The following NCKAP5 variants were observed in gnomAD, a reference collection of about 807,000 sequenced individuals.
NCKAP5 encodes NCK associated protein 5.
NCKAP5 carries 92 observed loss-of-function variants against 167.0 expected under a neutral mutation model. That is an observed-to-expected ratio of 0.55 (90% CI 0.47 to 0.66). The LOEUF is 0.66. Ranked by LOEUF, NCKAP5 falls within the 30% of genes least tolerant of loss-of-function variation. The probability of loss-of-function intolerance (pLI) is 0.00; values close to 1 mark genes in which losing one functional copy is unlikely to be tolerated. For missense variants in NCKAP5, 2,378 were observed against 2,315.0 expected (o/e 1.03, Z -0.56); for synonymous variants, 891 against 877.4 (o/e 1.02, Z -0.27).
intron 8 of NCKAP5, among the ~76,000 whole-genome samples, chr2:132,895,996 G>C (rs191822237): frequency 1.4e-4 from 21 of 152,170 alleles, no homozygotes; most frequent in African/African-American, 5.1e-4. Flanking sequence ...TTAGCTGGGC[G>C]TGGTGGGAAG....
chr2:133,293,934 A>G (rs1190227522), intron 4 of NCKAP5, among the ~76,000 whole-genome samples: 1 of 152,146 alleles, frequency 6.6e-6, no homozygotes, highest in Non-Finnish European at 1.5e-5. Context: ...CCAAGGGTTG[A>G]GAACAGGGAA....
chr2:133,294,291 G>A (rs1529570), intron 4 of NCKAP5, among the ~76,000 whole-genome samples: 18,325 of 152,092 alleles, frequency 0.12, 1,443 homozygotes, highest in Middle Eastern at 0.18. Context: ...TTTAATACTC[G>A]GCGTCCCCTT....
chr2:132,886,272 T>G lies in NCKAP5; in HGVS notation c.580-7356A>C, dbSNP rs534683196. Reference sequence around the variant, plus strand: ...AGGTTAACTATTTTACCACATTTGCTTATCATTTAATACTATCTATACCTG... The same window carrying G: ...AGGTTAACTATTTTACCACATTTGCGTATCATTTAATACTATCTATACCTG... On this transcript the variant is annotated intron_variant, in intron 8 of 19. Coordinates refer to ENST00000409261, the MANE Select transcript of NCKAP5 (RefSeq NM_207363.3). Among the ~76,000 whole-genome samples, 91 of 152,372 alleles carry G rather than the reference T, an allele frequency of 6.0e-4. 2 individuals are homozygous for G. The highest frequency in any genetic ancestry group is 1.0e-3 in the Non-Finnish European group (69 of 68,032).
intron 5 of NCKAP5, among the ~76,000 whole-genome samples, chr2:133,160,434 TTTTTC>T (rs759836361): frequency 0.12 from 13,201 of 106,270 alleles, 639 homozygotes; most frequent in East Asian, 0.3. Context: ...TTTTCCTTTC[TTTTTC>T]TTTTTTTTTT....
chr2:133,641,716 G>A, the NCKAP5 span, among the ~76,000 whole-genome samples: 1 of 152,190 alleles, frequency 6.6e-6, no homozygotes, highest in African/African-American at 2.4e-5. Flanking sequence ...TTCAACTTAA[G>A]GGAACCCCTG....
rs1374624224 is a variant in NCKAP5 at position 133,181,544 on chromosome 2, G to C, written c.207+32172C>G. On this transcript the variant is annotated intron_variant, in intron 5 of 19. Coordinates refer to ENST00000409261, the MANE Select transcript of NCKAP5 (RefSeq NM_207363.3). ...TTCTCTGGGAGGCTGAGCTGGGCAG[G>C]TCGTTTGAGCCCAGGGGTTCAGGGC... Among the ~76,000 whole-genome samples, 3 of 144,854 alleles carry C rather than the reference G, an allele frequency of 2.1e-5. No homozygotes were observed. The Admixed American group carries it at 2.2e-4, about 11-fold the overall frequency.
chr2:133,384,549 G>A (rs997404886), intron 3 of NCKAP5, among the ~76,000 whole-genome samples: 1 of 152,130 alleles, frequency 6.6e-6, no homozygotes, highest in Non-Finnish European at 1.5e-5. Context: ...GCTCTTTTTT[G>A]GTTCCATGTG....
In NCKAP5 at chr2:132,782,407, G is replaced by C. The variant is rs747565089; in HGVS notation, c.4404C>G (p.Leu1468=). Residue 1468 remains leucine, a synonymous_variant, in exon 14 of 20, where the codon CTC becomes CTG. Transcript: ENST00000409261. ...TGACCTTTTCTTCGATTGTGGGTGA[G>C]AGGGGGGCTTCTGAACTCACAGCAT... ...ATDAVSSEAP[L]SPTIEEKVML... is the part of the protein sequence containing the mutation. 9 of 1,614,060 alleles carry C rather than the reference G, an allele frequency of 5.6e-6. No individual in the cohort carries two copies. Among genetic ancestry groups the C allele is most frequent in the Non-Finnish European group, 6.8e-6 (8 of 1,179,912 alleles).
intron 4 of NCKAP5, among the ~76,000 whole-genome samples, chr2:133,252,535 A>G (rs1252837919): frequency 1.3e-5 from 2 of 152,214 alleles, no homozygotes; most frequent in African/African-American, 2.4e-5. Context: ...TCAGACCACG[A>G]GAGGTCTTTG....
Position 132,782,478 on chromosome 2 carries a change from G to A in NCKAP5, c.4333C>T (p.Leu1445=). 6.2e-7 allele frequency: 1 copy of A among 1,612,398 alleles called. No homozygotes were observed. Among genetic ancestry groups the A allele is most frequent in the Non-Finnish European group, 8.5e-7 (1 of 1,179,288 alleles). Reference sequence around the variant, plus strand: ...TCTGGATGCCTTCCAGAAGTTTCTAGCTTGGATGTACTGCTTGTTTCAAAA... The same window carrying A: ...TCTGGATGCCTTCCAGAAGTTTCTAACTTGGATGTACTGCTTGTTTCAAAA... ...STFETSSTSK[L]ETSGRHPDAS... The change falls in exon 14 of 20, where the codon CTA becomes TTA. Residue 1445 remains leucine (L), a synonymous_variant. Coordinates refer to ENST00000409261, the MANE Select transcript of NCKAP5 (RefSeq NM_207363.3).
intron 3 of NCKAP5, among the ~76,000 whole-genome samples, chr2:133,424,008 T>G (rs1428992424): frequency 6.6e-6 from 1 of 152,200 alleles, no homozygotes; most frequent in Non-Finnish European, 1.5e-5. Context: ...GCAACTGGTA[T>G]TGTGCACTCA....
intron 6 of NCKAP5, among the ~76,000 whole-genome samples, chr2:133,075,108 A>G (rs2080554767): frequency 6.6e-6 from 1 of 152,216 alleles, no homozygotes; most frequent in Admixed American, 6.5e-5. Context: ...AATTGAAATC[A>G]GCTAGAGGGA....
chr2:133,177,449 C>A (rs992438369), intron 5 of NCKAP5, among the ~76,000 whole-genome samples: 13 of 152,056 alleles, frequency 8.5e-5, no homozygotes, highest in Admixed American at 7.9e-4. Context: ...CATTCATGTG[C>A]AACCCCGCAC....
the NCKAP5 span, among the ~76,000 whole-genome samples, chr2:133,580,015 C>T: frequency 6.6e-6 from 1 of 152,138 alleles, no homozygotes; most frequent in African/African-American, 2.4e-5. Flanking sequence ...TTTTATTCAA[C>T]TGTGGTGCTG....
chr2:132,965,900 CTCTT>C, intron 7 of NCKAP5, among the ~76,000 whole-genome samples: 1 of 137,582 alleles, frequency 7.3e-6, no homozygotes. Flanking sequence ...AGGTACATGA[CTCTT>C]TGTGTGTGTG....
intron 19 of NCKAP5, among the ~76,000 whole-genome samples, chr2:132,713,253 T>C (rs1006785170): frequency 6.6e-6 from 1 of 151,948 alleles, no homozygotes; most frequent in African/African-American, 2.4e-5. Context: ...ATTTTGAAAA[T>C]GATATCTGAG....
At chr2:132,920,481 T>C (rs931359470) in intron 8 of NCKAP5, among the ~76,000 whole-genome samples, 1 of 150,582 alleles carries the variant, frequency 6.6e-6, no homozygotes, top group Non-Finnish European at 1.5e-5. Context: ...TGATGGACTC[T>C]ACCAAAAAAA....
chr2:132,684,759 T>C (rs952538153), intron 19 of NCKAP5, among the ~76,000 whole-genome samples: 12 of 152,136 alleles, frequency 7.9e-5, no homozygotes, highest in African/African-American at 2.9e-4. Flanking sequence ...AGAAGTACTG[T>C]AGGGTTGGGC....
At chr2:132,900,650 G>C (rs191696168) in intron 8 of NCKAP5, among the ~76,000 whole-genome samples, 2 of 152,224 alleles carry the variant, frequency 1.3e-5, no homozygotes, top group East Asian at 3.9e-4. Flanking sequence ...TATGAAAACT[G>C]TTATGAAAAC....
Sources: gnomAD v4.1 joint callset for allele counts (sites outside exome capture counted in the v4.1 genomes callset) on GRCh38, gnomAD v4.1.1 for gene constraint, MANE v1.5 for transcripts, NCBI Gene and HGNC (gene_info 2026-07-23, HGNC 2026-07-21) for gene names.